The following NAA60 variants were observed in gnomAD, a reference collection of about 807,000 sequenced individuals.
NAA60 encodes N-alpha-acetyltransferase 60.
NAA60 carries 8 observed loss-of-function variants against 26.1 expected under a neutral mutation model. The observed-to-expected ratio is 0.31, with a 90% CI of 0.18 to 0.55. NAA60 has a LOEUF of 0.55. Among genes scored for constraint, NAA60 ranks in the 20% least tolerant of loss-of-function variants. The probability of loss-of-function intolerance (pLI) is 0.93; values close to 1 mark genes in which losing one functional copy is unlikely to be tolerated. For synonymous variants in NAA60, 131 were observed against 122.5 expected, an observed-to-expected ratio of 1.07 and a Z score of -0.46; for missense variants, 290 against 311.3, an observed-to-expected ratio of 0.93 and a Z score of 0.51.
intron 2 of NAA60, among the ~76,000 whole-genome samples, chr16:3,462,091 A>AAAAAAAAAAAC (rs1454429737): frequency 2.0e-5 from 3 of 151,580 alleles, no homozygotes; most frequent in African/African-American, 7.3e-5. Context: ...TATATCAAAA[A>AAAAAAAAAAAC]AAAAAAAAAA....
At chr16:3,480,323 G>A (rs992072121) in intron 4 of NAA60, among the ~76,000 whole-genome samples, 1 of 152,178 alleles carries the variant, frequency 6.6e-6, no homozygotes, top group Admixed American at 6.5e-5. Context: ...GGGGCCGGGC[G>A]CAGTGGCTCA....
intron 2 of NAA60, among the ~76,000 whole-genome samples, chr16:3,474,918 G>C (rs1020891155): frequency 6.6e-6 from 1 of 152,178 alleles, no homozygotes; most frequent in Non-Finnish European, 1.5e-5. Context: ...GATGAATGCA[G>C]CATCTTTTCC....
intron 2 of NAA60, among the ~76,000 whole-genome samples, chr16:3,461,033 G>A (rs1315021683): frequency 3.4e-5 from 4 of 117,868 alleles, no homozygotes; most frequent in East Asian, 2.9e-4. Context: ...CTCCTCAGTC[G>A]TTGGGGTTAC....
At chr16:3,444,809 TG>T (rs1386827996) in intron 1 of NAA60, among the ~76,000 whole-genome samples, 1 of 152,206 alleles carries the variant, frequency 6.6e-6, no homozygotes, top group African/African-American at 2.4e-5. Context: ...AGACATGTAT[TG>T]TGTCATGTAC....
At chr16:3,450,152 C>G (rs958561427) in intron 2 of NAA60, 12 of 370,038 alleles carry the variant, frequency 3.2e-5, no homozygotes, top group Non-Finnish European at 5.3e-5. Flanking sequence ...TTAATAAACC[C>G]TTCAGAACCA....
At chr16:3,449,861 C>T (rs2034704625) in intron 2 of NAA60, 3 of 377,480 alleles carry the variant, frequency 7.9e-6, no homozygotes, top group Non-Finnish European at 9.4e-6. Context: ...CCTGCACAAG[C>T]CCTCTTTTGT....
intron 2 of NAA60, among the ~76,000 whole-genome samples, chr16:3,451,866 T>G (rs2034799310): frequency 6.7e-6 from 1 of 149,810 alleles, no homozygotes; most frequent in Non-Finnish European, 1.5e-5. Context: ...TGCAGTGAGC[T>G]GAGACCACAC....
chr16:3,450,128 G>C (rs2034718402), intron 2 of NAA60: 2 of 380,088 alleles, frequency 5.3e-6, no homozygotes, highest in African/African-American at 2.1e-5. Flanking sequence ...AAAGGGTTTT[G>C]ATCCATGCAT....
chr16:3,453,071 T>C (rs1012009653), intron 2 of NAA60, among the ~76,000 whole-genome samples: 1 of 152,180 alleles, frequency 6.6e-6, no homozygotes, highest in Non-Finnish European at 1.5e-5. Flanking sequence ...TAAAACTTTC[T>C]GGCAGGCAAT....
chr16:3,448,642 T>C (rs2150944263), intron 2 of NAA60, 102 bp downstream of exon 2: 1 of 971,158 alleles, frequency 1.0e-6, no homozygotes, highest in African/African-American at 1.6e-5. Context: ...TATTAAATAT[T>C]CTCTTAATTT....
intron 2 of NAA60, among the ~76,000 whole-genome samples, chr16:3,464,126 T>G (rs1016976552): frequency 5.3e-5 from 8 of 152,244 alleles, no homozygotes; most frequent in South Asian, 4.1e-4. Context: ...CTCCGCCTCC[T>G]GGGTTCAAAC....
chr16:3,457,941 G>C (rs1217074990), intron 2 of NAA60: 1 of 976,356 alleles, frequency 1.0e-6, no homozygotes, highest in African/African-American at 1.8e-5. Context: ...CAACATGGCG[G>C]CAGCGCCGGC....
chr16:3,443,697 G>A lies in NAA60; in HGVS notation c.-217G>A. On this transcript the variant is annotated 5_prime_UTR_variant, in exon 1 of 8. Coordinates refer to ENST00000407558, the MANE Select transcript of NAA60 (RefSeq NM_001083601.3). ...AACCATTTCCGCTTCCGCTGGCGGG[G>A]TCTCCTCCGTGAGCTCCGGGCCTGT... 2 of 1,413,824 alleles carry A rather than the reference G, an allele frequency of 1.4e-6. No individual in the cohort carries two copies. Among genetic ancestry groups the A allele is most frequent in the Non-Finnish European group, 1.8e-6 (2 of 1,084,958 alleles). The allele number at this position is 1,413,824 out of a possible 1,614,324, so 87.6% of individuals were successfully genotyped here. A position where few individuals can be genotyped will look rare whatever the true frequency, so the allele number is the denominator to read the frequency against.
rs2036620739 is a variant in NAA60 at position 3,478,481 on chromosome 16, A to G, written c.111-990A>G. ...TGTGACATGAACCGGGCTGTGAGGC[A>G]GCAAAACTAACCCTACACACCCTAG... On this transcript the variant is annotated intron_variant, in intron 3 of 7. Transcript: ENST00000407558. Among the ~76,000 whole-genome samples, 4 of 152,310 alleles carry G rather than the reference A, an allele frequency of 2.6e-5. No individual in the cohort carries two copies. In the South Asian group the frequency reaches 8.3e-4, roughly 32 times the overall value.
intron 2 of NAA60, among the ~76,000 whole-genome samples, chr16:3,471,429 G>T (rs2150991631): frequency 6.6e-6 from 1 of 152,254 alleles, no homozygotes; most frequent in East Asian, 1.9e-4. Flanking sequence ...CGTGAACCCG[G>T]GAGGCGGAGC....
At chr16:3,473,797 C>T (rs774745170) in intron 2 of NAA60, among the ~76,000 whole-genome samples, 2 of 151,904 alleles carry the variant, frequency 1.3e-5, no homozygotes, top group Non-Finnish European at 2.9e-5. Flanking sequence ...TGCAGTGGTG[C>T]GATCTTGGCT....
chr16:3,448,333 T>C, intron 1 of NAA60, 138 bp from the exon 2 acceptor site: 1 of 561,650 alleles, frequency 1.8e-6, no homozygotes, highest in East Asian at 3.2e-5. Flanking sequence ...CATGTTTAGA[T>C]AGTTAATTTT....
intron 2 of NAA60, among the ~76,000 whole-genome samples, chr16:3,463,551 TAAAAAAAA>T (rs71133639): frequency 8.8e-6 from 1 of 113,898 alleles, no homozygotes; most frequent in African/African-American, 3.5e-5. Flanking sequence ...GACCCTGTGT[TAAAAAAAA>T]AAAAAAAAAA....
In NAA60 at chr16:3,485,788, TGAG is replaced by T. The variant is rs1004198291; in HGVS notation, c.*532_*534del. 2.7e-5 allele frequency: 11 copies of T among 410,622 alleles called. No individual in the cohort carries two copies. The highest frequency in any genetic ancestry group is 6.2e-5 in the African/African-American group (3 of 48,432). The allele number at this position is 410,622 out of a possible 1,614,324, so 25.4% of individuals were successfully genotyped here. On this transcript the variant is annotated 3_prime_UTR_variant, in exon 8 of 8. Coordinates refer to ENST00000407558, the MANE Select transcript of NAA60 (RefSeq NM_001083601.3). ...AACCAGCCCAAAGAAGCCTGGGGGG[TGAG>T]GAGTGGCCCCCACTCCTCCATGAGG...
Sources: gnomAD v4.1 joint callset for allele counts (sites outside exome capture counted in the v4.1 genomes callset) on GRCh38, gnomAD v4.1.1 for gene constraint, MANE v1.5 for transcripts, NCBI Gene and HGNC (gene_info 2026-07-23, HGNC 2026-07-21) for gene names.